The following PHC2 variants were observed in gnomAD, a reference collection of about 807,000 sequenced individuals.
The protein encoded by PHC2 is polyhomeotic homolog 2.
PHC2 carries 29 observed loss-of-function variants against 87.4 expected under a neutral mutation model. That is an observed-to-expected ratio of 0.33 (90% confidence interval 0.25 to 0.45). PHC2 has a LOEUF of 0.45. Among genes scored for constraint, PHC2 ranks in the 20% least tolerant of loss-of-function variants. PHC2 has a pLI of 1.00. For missense variants in PHC2, 857 were observed against 1,136.7 expected (o/e 0.75, Z 3.54); for synonymous variants, 438 against 461.7 (o/e 0.95, Z 0.66).
chr1:33,350,448 G>T (rs1410097380), intron 9 of PHC2: 1 of 152,290 alleles, frequency 6.6e-6, no homozygotes, highest in Non-Finnish European at 1.5e-5. Context: ...TCAGAGTCCC[G>T]TAAGTGTTGG....
At position 33,331,408 on chromosome 1, in the gene PHC2, A is replaced by G; in HGVS notation, c.1946T>C (p.Val649Ala). 3 of 1,613,340 alleles carry G rather than the reference A, an allele frequency of 1.9e-6. No homozygotes were observed. The highest frequency in any genetic ancestry group is 2.5e-6 in the Non-Finnish European group (3 of 1,179,580). ...LKLKCELCGR[V>A]DFAYKFKRSK... ...ACGCTTGAACTTATAGGCAAAGTCC[A>G]CCCGGCCACAGAGCTCACACTTGAG... Residue 649 changes from valine to alanine, a missense_variant, in exon 12 of 15, where the codon GTG becomes GCG. By Grantham distance (64) the Val-to-Ala change is moderately conservative. Transcript: ENST00000683057. This position sits in a 1 kb window ranked among gnomAD's most constrained non-coding sequence, Gnocchi z 5.2.
chr1:33,326,147 C>G (rs1219241689), intron 14 of PHC2: 2 of 264,506 alleles, frequency 7.6e-6, no homozygotes, highest in Non-Finnish European at 1.5e-5. Flanking sequence ...TGGCTTCTTA[C>G]TGCTGCTCAC....
intron 1 of PHC2, among the ~76,000 whole-genome samples, chr1:33,417,510 A>C (rs539981167): frequency 2.4e-5 from 3 of 125,642 alleles, no homozygotes; most frequent in African/African-American, 7.7e-5. Context: ...AAATAGACTG[A>C]GGAAGGAATA....
intron 7 of PHC2, among the ~76,000 whole-genome samples, chr1:33,356,885 C>T (rs1050434507): frequency 6.6e-6 from 1 of 152,038 alleles, no homozygotes; most frequent in Non-Finnish European, 1.5e-5. Flanking sequence ...AGGCGCCCCC[C>T]CACCTCCCAG....
chr1:33,389,059 TAAAAAA>T (rs72505785), intron 1 of PHC2, among the ~76,000 whole-genome samples: 2 of 137,876 alleles, frequency 1.5e-5, no homozygotes, highest in Admixed American at 1.5e-4. Context: ...ATGTTCTTGT[TAAAAAA>T]AAAAAAAAAA....
intron 1 of PHC2, among the ~76,000 whole-genome samples, chr1:33,415,487 G>A (rs1354580306): frequency 1.3e-5 from 2 of 152,140 alleles, no homozygotes; most frequent in Admixed American, 6.5e-5. Flanking sequence ...TAGAAGCAAC[G>A]TTTGAAAGGA....
chr1:33,416,091 T>TA (rs1304186234), intron 1 of PHC2, among the ~76,000 whole-genome samples: 6 of 151,916 alleles, frequency 3.9e-5, no homozygotes, highest in Non-Finnish European at 7.4e-5. Flanking sequence ...GAAGGGAACA[T>TA]AAAAAAATAT....
At chr1:33,377,584 T>C (rs1164900171) in intron 1 of PHC2, among the ~76,000 whole-genome samples, 1 of 152,066 alleles carries the variant, frequency 6.6e-6, no homozygotes, top group African/African-American at 2.4e-5. Context: ...CTCATTTCTG[T>C]GTAGAGGCTG....
At position 33,412,947 on chromosome 1, in the gene PHC2, TTTTTTTTTTGTTTGTTTG is replaced by T. The variant is rs999975890; in HGVS notation, c.-55+18011_-55+18028del. 8.8e-5 allele frequency among the ~76,000 whole-genome samples: 10 copies of T among 113,142 alleles called. No homozygotes were observed. In the East Asian group the frequency reaches 9.3e-4, roughly 10 times the overall value. The allele number at this position is 113,142 out of a possible 152,430, so 74.2% of individuals were successfully genotyped here. On this transcript the variant is annotated intron_variant, in intron 1 of 14. Transcript: ENST00000683057. ...ATCAGGGACCTTACATATGGACTTG[TTTTTTTTTTGTTTGTTTG>T]TTTTTGTTTGTTTGTTTTGAGATGG...
chr1:33,331,232 G>A lies in PHC2; in HGVS notation c.2006+116C>T. The A allele has an allele frequency of 7.4e-6, 4 of 536,998 alleles. No individual in the cohort carries two copies. Among genetic ancestry groups the A allele is most frequent in the Non-Finnish European group, 9.9e-6 (3 of 302,206 alleles). The allele number at this position is 536,998 out of a possible 1,614,324, so 33.3% of individuals were successfully genotyped here. A position where few individuals can be genotyped will look rare whatever the true frequency, so the allele number is the denominator to read the frequency against. Reference sequence around the variant, plus strand: ...GCCATCCTGCTTCCAGGTGGGTCGAGGAACTAGGAAACTGGAGAAGCCACC... The same window carrying A: ...GCCATCCTGCTTCCAGGTGGGTCGAAGAACTAGGAAACTGGAGAAGCCACC... On this transcript the variant is annotated intron_variant, in intron 12 of 14. Transcript: ENST00000683057. This position sits in a 1 kb window ranked among gnomAD's most constrained non-coding sequence, Gnocchi z 5.2.
At chr1:33,411,461 T>A (rs1390260107) in intron 1 of PHC2, among the ~76,000 whole-genome samples, 2 of 152,134 alleles carry the variant, frequency 1.3e-5, no homozygotes, top group African/African-American at 4.8e-5. Context: ...TTGTTGTTGT[T>A]GTTGTTGTTG....
intron 1 of PHC2, among the ~76,000 whole-genome samples, chr1:33,411,542 C>T (rs1264460887): frequency 2.0e-5 from 3 of 151,644 alleles, no homozygotes; most frequent in Non-Finnish European, 4.4e-5. Flanking sequence ...AGAAAGTGAT[C>T]ATATGATCAT....
At chr1:33,339,920 A>C (rs971626738) in intron 9 of PHC2, among the ~76,000 whole-genome samples, 1 of 152,222 alleles carries the variant, frequency 6.6e-6, no homozygotes, top group Non-Finnish European at 1.5e-5. Context: ...GGTGCTCAAA[A>C]AGTTTGGGAT....
intron 7 of PHC2, among the ~76,000 whole-genome samples, chr1:33,355,749 C>T (rs1328247985): frequency 1.3e-5 from 2 of 152,218 alleles, no homozygotes; most frequent in East Asian, 1.9e-4. Context: ...CAGTAGACAA[C>T]GGTGGTTCTT....
At chr1:33,414,313 A>T (rs1650117852) in intron 1 of PHC2, among the ~76,000 whole-genome samples, 1 of 152,178 alleles carries the variant, frequency 6.6e-6, no homozygotes, top group Non-Finnish European at 1.5e-5. Context: ...CAGTGTGGCC[A>T]GCAAGGACAG....
intron 9 of PHC2, chr1:33,346,096 T>C: frequency 1.0e-6 from 1 of 985,404 alleles, no homozygotes; most frequent in Non-Finnish European, 1.2e-6. Flanking sequence ...TAGTTCAGTT[T>C]TGGGTTCCAT....
chr1:33,384,885 T>G (rs1648662750), intron 1 of PHC2, among the ~76,000 whole-genome samples: 1 of 152,174 alleles, frequency 6.6e-6, no homozygotes, highest in African/African-American at 2.4e-5. Flanking sequence ...AAATGAGGAA[T>G]GAATAAAGCT....
intron 1 of PHC2, among the ~76,000 whole-genome samples, chr1:33,427,363 T>G (rs1324481): frequency 0.7 from 106,303 of 152,086 alleles, 37,567 homozygotes; most frequent in East Asian, 0.78. Flanking sequence ...GGATATGAAA[T>G]AAAAAGAATA....
intron 1 of PHC2, among the ~76,000 whole-genome samples, chr1:33,400,023 A>G (rs1649456299): frequency 6.6e-6 from 1 of 151,772 alleles, no homozygotes; most frequent in East Asian, 1.9e-4. Context: ...GTAGTTCATT[A>G]TTATTTGTAA....
Sources: gnomAD v4.1 joint callset for allele counts (sites outside exome capture counted in the v4.1 genomes callset) on GRCh38, gnomAD v4.1.1 for gene constraint, Gnocchi (gnomAD v3.1) non-coding constraint, MANE v1.5 for transcripts, NCBI Gene and HGNC (gene_info 2026-07-23, HGNC 2026-07-21) for gene names.